Variants in LOC128706665 observed in about 807,000 individuals in gnomAD.
the LOC128706665 span, among the ~76,000 whole-genome samples, chr20:10,429,968 C>G: frequency 6.6e-6 from 1 of 152,074 alleles, no homozygotes; most frequent in Non-Finnish European, 1.5e-5. Flanking sequence ...GTTTGAGACC[C>G]ACTGTTCTAG....
chr20:10,432,076 G>A, the LOC128706665 span, among the ~76,000 whole-genome samples: 2 of 152,304 alleles, frequency 1.3e-5, no homozygotes, highest in African/African-American at 2.4e-5. Flanking sequence ...GCCAGCCTCC[G>A]TCCATGATTG....
chr20:10,421,292 C>G, the LOC128706665 span, among the ~76,000 whole-genome samples: 2 of 151,620 alleles, frequency 1.3e-5, no homozygotes, highest in African/African-American at 4.8e-5. Context: ...GATATGGTGG[C>G]GCATGCCTGT....
the LOC128706665 span, among the ~76,000 whole-genome samples, chr20:10,425,226 C>T: frequency 6.6e-6 from 1 of 152,064 alleles, no homozygotes; most frequent in African/African-American, 2.4e-5. Context: ...TTTGTAATCC[C>T]TCTTGCAAAG....
the LOC128706665 span, among the ~76,000 whole-genome samples, chr20:10,429,208 T>G: frequency 2.0e-5 from 3 of 152,182 alleles, no homozygotes; most frequent in East Asian, 5.8e-4. Flanking sequence ...GTTCTGACCA[T>G]AAAGATCACC....
chr20:10,416,160 T>TGTC, the LOC128706665 span, among the ~76,000 whole-genome samples: 4 of 152,094 alleles, frequency 2.6e-5, no homozygotes, highest in Non-Finnish European at 4.4e-5. Context: ...GGGTTTTTGT[T>TGTC]GTTGTTGCAG....
the LOC128706665 span, among the ~76,000 whole-genome samples, chr20:10,425,201 T>A: frequency 1.4e-4 from 21 of 152,212 alleles, no homozygotes; most frequent in African/African-American, 5.1e-4. Flanking sequence ...AATGTGATCA[T>A]GATACACATG....
At chr20:10,423,066 A>C in the LOC128706665 span, among the ~76,000 whole-genome samples, 3 of 151,964 alleles carry the variant, frequency 2.0e-5, no homozygotes, top group Admixed American at 2.0e-4. Flanking sequence ...TTACTTCTCC[A>C]TGATCATTAA....
the LOC128706665 span, among the ~76,000 whole-genome samples, chr20:10,419,513 A>G: frequency 1.3e-5 from 2 of 152,216 alleles, no homozygotes; most frequent in African/African-American, 4.8e-5. Flanking sequence ...GATATGTTCC[A>G]AGACCACCCA....
At chr20:10,430,262 T>C in the LOC128706665 span, among the ~76,000 whole-genome samples, 859 of 152,300 alleles carry the variant, frequency 5.6e-3, 27 homozygotes, top group Non-Finnish European at 2.2e-3. Context: ...TGTGGACTCA[T>C]ACCACCTGGC....
the LOC128706665 span, among the ~76,000 whole-genome samples, chr20:10,433,301 G>A: frequency 1.6e-4 from 25 of 152,334 alleles, no homozygotes; most frequent in African/African-American, 6.0e-4. Context: ...ACCAAACCCC[G>A]CCGCCCCAAA....
chr20:10,429,556 C>G, the LOC128706665 span, among the ~76,000 whole-genome samples: 1 of 152,192 alleles, frequency 6.6e-6, no homozygotes, highest in Non-Finnish European at 1.5e-5. Context: ...CTCTTTCCCT[C>G]CCAAACTGCT....
At chr20:10,427,327 CT>C in the LOC128706665 span, among the ~76,000 whole-genome samples, 2 of 152,040 alleles carry the variant, frequency 1.3e-5, no homozygotes, top group East Asian at 3.9e-4. Flanking sequence ...AAAACGGATT[CT>C]TTTTGGTCTT....
the LOC128706665 span, among the ~76,000 whole-genome samples, chr20:10,414,556 T>G: frequency 6.6e-6 from 1 of 152,170 alleles, no homozygotes; most frequent in Admixed American, 6.6e-5. Context: ...TGAGCCACTG[T>G]GCCCGGCAAG....
chr20:10,423,227 C>T, the LOC128706665 span, among the ~76,000 whole-genome samples: 1 of 151,994 alleles, frequency 6.6e-6, no homozygotes. Context: ...TCACTTGAGC[C>T]TAGGCAACGT....
chr20:10,413,802 A>C, the LOC128706665 span: 1 of 543,572 alleles, frequency 1.8e-6, no homozygotes, highest in South Asian at 2.8e-5. Flanking sequence ...AGACCTCTGC[A>C]AAAAGTATGT....
the LOC128706665 span, among the ~76,000 whole-genome samples, chr20:10,427,029 GACACAC>G: frequency 0.064 from 8,402 of 130,632 alleles, 292 homozygotes; most frequent in Middle Eastern, 0.093. Flanking sequence ...AGAAAACACT[GACACAC>G]ACACACACAC....
chr20:10,420,373 A>C, the LOC128706665 span, among the ~76,000 whole-genome samples: 1 of 152,188 alleles, frequency 6.6e-6, no homozygotes, highest in Non-Finnish European at 1.5e-5. Flanking sequence ...ACTTTTCTAG[A>C]AACAACTGCA....
the LOC128706665 span, among the ~76,000 whole-genome samples, chr20:10,429,985 T>A: frequency 1.3e-5 from 2 of 152,158 alleles, no homozygotes; most frequent in African/African-American, 4.8e-5. Flanking sequence ...CTAGTCTACA[T>A]CCACTAATCC....
At chr20:10,430,323 T>A in the LOC128706665 span, among the ~76,000 whole-genome samples, 1 of 152,214 alleles carries the variant, frequency 6.6e-6, no homozygotes, top group South Asian at 2.1e-4. Flanking sequence ...CTTGGATTAG[T>A]CACTTAATCT....
Sources: allele counts gnomAD v4.1 joint callset (sites outside exome capture counted in the v4.1 genomes callset), GRCh38; gene constraint gnomAD v4.1.1; transcripts MANE v1.5.